The following PITPNM2 variants were observed in gnomAD, a reference collection of about 807,000 sequenced individuals.
PITPNM2 encodes the protein membrane-associated phosphatidylinositol transfer protein 2.
In PITPNM2, 35 loss-of-function variants were observed where a neutral mutation model predicts 132.2. The observed-to-expected ratio is 0.26, with a 90% CI of 0.20 to 0.35. The LOEUF (loss-of-function observed/expected upper bound fraction) is 0.35. Ranked by LOEUF, PITPNM2 falls within the 10% of genes least tolerant of loss-of-function variation. The pLI, the probability that PITPNM2 is intolerant of heterozygous loss-of-function variation, is 1.00. For synonymous variants in PITPNM2, 738 were observed against 799.2 expected (o/e 0.92, Z 1.29); for missense variants, 1,332 against 1,912.0 (o/e 0.70, Z 5.66).
intron 2 of PITPNM2, among the ~76,000 whole-genome samples, chr12:123,068,518 ACCAGC>A: frequency 6.6e-6 from 1 of 152,146 alleles, no homozygotes; most frequent in East Asian, 1.9e-4. Context: ...CCTTGGGCAC[ACCAGC>A]CCTAAGCAGA....
intron 3 of PITPNM2, among the ~76,000 whole-genome samples, chr12:123,020,579 G>A (rs941922251): frequency 1.3e-5 from 2 of 152,206 alleles, no homozygotes; most frequent in African/African-American, 4.8e-5. Flanking sequence ...TCTTTCCTGG[G>A]TTTAGATAGG....
rs2042823714 is a variant in PITPNM2 at position 123,111,009 on chromosome 12, A to G, written c.-199-521T>C. 6.6e-6 allele frequency among the ~76,000 whole-genome samples: 1 copy of G among 152,214 alleles called. No individual in the cohort carries two copies. The highest frequency in any genetic ancestry group is 6.5e-5 in the Admixed American group (1 of 15,278). ...TTCCAGCCTTCCAGCAAGCCCCTCC[A>G]GCTGGGCAGAGTGTGATCTGACTAC... On this transcript the variant is annotated intron_variant, in intron 1 of 25. Transcript: ENST00000320201. The surrounding 1 kb of genome is among the most constrained non-coding windows in gnomAD (Gnocchi z 4.1).
At chr12:123,029,902 TA>T (rs1206288012) in intron 3 of PITPNM2, among the ~76,000 whole-genome samples, 1 of 149,484 alleles carries the variant, frequency 6.7e-6, no homozygotes, top group Non-Finnish European at 1.5e-5. Flanking sequence ...CCATGTGCAC[TA>T]AAGAGGATAT....
chr12:123,144,349 G>A lies in PITPNM2; in HGVS notation c.-200+6404C>T, dbSNP rs530209119. On this transcript the variant is annotated intron_variant, in intron 1 of 25. Coordinates refer to ENST00000320201, the MANE Select transcript of PITPNM2 (RefSeq NM_020845.3). ...TGCAGAGAAAATCTCTTGTGTTAGA[G>A]AAGCTTCATTCAGACATGAGTCACA... 2.2e-4 allele frequency among the ~76,000 whole-genome samples: 34 copies of A among 152,354 alleles called. No homozygotes were observed. In the South Asian group the frequency reaches 2.5e-3, roughly 11 times the overall value.
chr12:123,144,860 C>T (rs552835187), intron 1 of PITPNM2, among the ~76,000 whole-genome samples: 10 of 152,320 alleles, frequency 6.6e-5, no homozygotes, highest in Admixed American at 5.2e-4. Flanking sequence ...CCACCATGCC[C>T]GATCTCTTTT....
At chr12:123,101,158 C>T (rs117689661) in intron 2 of PITPNM2, among the ~76,000 whole-genome samples, 4,524 of 152,334 alleles carry the variant, frequency 0.03, 103 homozygotes, top group Non-Finnish European at 0.046. Context: ...GTTTTCTTTC[C>T]TTTGGTCAAA....
chr12:122,988,254 G>A lies in PITPNM2; in HGVS notation c.2977C>T (p.Arg993Trp), dbSNP rs2038024401. ...CTCACCCGCAGCTTCACGTGGGTCCGCTTGCGCTGCCACTTCTCCCTTGGC... is the reference window on the plus strand; with the variant it reads ...CTCACCCGCAGCTTCACGTGGGTCCACTTGCGCTGCCACTTCTCCCTTGGC... ...SKPREKWQRK[R>W]THVKLRNVTA... is the part of the protein sequence containing the mutation. Residue 993 changes from arginine (R) to tryptophan (W), a missense_variant, in exon 20 of 26, where the codon CGG becomes TGG. Around this residue, in one of 6 missense-constraint regions of PITPNM2, gnomAD observed 251 missense variants for 472.0 expected, o/e 0.53. Transcript: ENST00000320201. 6.2e-7 allele frequency: 1 copy of A among 1,612,868 alleles called. No individual in the cohort carries two copies. The highest frequency in any genetic ancestry group is 8.5e-7 in the Non-Finnish European group (1 of 1,179,922).
intron 2 of PITPNM2, among the ~76,000 whole-genome samples, chr12:123,109,532 G>A (rs2042792690): frequency 6.6e-6 from 1 of 152,204 alleles, no homozygotes; most frequent in Non-Finnish European, 1.5e-5. Context: ...CAGAGGGATG[G>A]TGCATTAAAA....
chr12:122,992,790 G>A lies in PITPNM2; in HGVS notation c.2234-121C>T, dbSNP rs2038251660. 1.4e-6 allele frequency: 1 copy of A among 701,192 alleles called. No individual in the cohort carries two copies. The highest frequency in any genetic ancestry group is 2.3e-6 in the Non-Finnish European group (1 of 429,762). The allele number at this position is 701,192 out of a possible 1,614,324, so 43.4% of individuals were successfully genotyped here. On this transcript the variant is annotated intron_variant, in intron 15 of 25. Coordinates refer to ENST00000320201, the MANE Select transcript of PITPNM2 (RefSeq NM_020845.3). This position sits in a 1 kb window ranked among gnomAD's most constrained non-coding sequence, Gnocchi z 6.5. ...GAAAGTTAGGGATAAGATGGGGGGT[G>A]TGTCTCTATCAATTTGGGACCTGTT...
At chr12:123,147,100 C>T (rs1593038957) in intron 1 of PITPNM2, among the ~76,000 whole-genome samples, 1 of 152,208 alleles carries the variant, frequency 6.6e-6, no homozygotes, top group African/African-American at 2.4e-5. Flanking sequence ...TCCTACACAC[C>T]TTTACAGTTG....
At chr12:122,988,046 G>T in intron 20 of PITPNM2, 145 bp from the exon 21 acceptor site, 1 of 937,832 alleles carries the variant, frequency 1.1e-6, no homozygotes, top group Non-Finnish European at 1.7e-6. Flanking sequence ...ACACGATGAC[G>T]TGGCTTTGGA....
chr12:123,103,148 C>T (rs569598096), intron 2 of PITPNM2, among the ~76,000 whole-genome samples: 2 of 152,318 alleles, frequency 1.3e-5, no homozygotes, highest in East Asian at 1.9e-4. Context: ...GGTTTGTGTT[C>T]CCTGGGGCAT....
chr12:123,080,655 G>A (rs564839570), intron 2 of PITPNM2, among the ~76,000 whole-genome samples: 1 of 152,372 alleles, frequency 6.6e-6, no homozygotes, highest in Admixed American at 6.5e-5. Flanking sequence ...TAAGCAGTCA[G>A]CTGGGCAGGG....
intron 1 of PITPNM2, among the ~76,000 whole-genome samples, chr12:123,115,229 C>G (rs758408956): frequency 6.6e-6 from 1 of 152,180 alleles, no homozygotes; most frequent in African/African-American, 2.4e-5. Flanking sequence ...CCCTACTCCC[C>G]CTCCCTTCCA....
At chr12:123,146,750 G>T (rs2043626626) in intron 1 of PITPNM2, among the ~76,000 whole-genome samples, 1 of 152,020 alleles carries the variant, frequency 6.6e-6, no homozygotes. Flanking sequence ...GGCGTGAGGA[G>T]GTCAATGCTC....
rs191895482 is a variant in PITPNM2, at chr12:123,077,239, C to T, written c.-96+33146G>A. Among the ~76,000 whole-genome samples, 395 of 152,314 alleles carry T rather than the reference C, an allele frequency of 2.6e-3. No homozygotes were observed. Among genetic ancestry groups the T allele is most frequent in the Middle Eastern group, 0.014 (4 of 294 alleles). ...CAGCCAGCAGACGATCCTCCCTACA[C>T]CACCTTCTTGGAAATCTTGGTTATG... On this transcript the variant is annotated intron_variant, in intron 2 of 25. Transcript: ENST00000320201. The surrounding 1 kb of genome is among the most constrained non-coding windows in gnomAD (Gnocchi z 4.8).
chr12:123,028,962 G>T (rs1190614446), intron 3 of PITPNM2, among the ~76,000 whole-genome samples: 1 of 152,188 alleles, frequency 6.6e-6, no homozygotes. Flanking sequence ...AGTGCCTTGG[G>T]TCTCCAAGTC....
chr12:123,000,982 G>C lies in PITPNM2; in HGVS notation c.1153+72C>G. On this transcript the variant is annotated intron_variant, in intron 9 of 25. Coordinates refer to ENST00000320201, the MANE Select transcript of PITPNM2 (RefSeq NM_020845.3). This position sits in a 1 kb window ranked among gnomAD's most constrained non-coding sequence, Gnocchi z 5.4. The stretch of plus-strand genomic sequence containing the variant: ...GTATGCCCAGCACTGTGCAGAAGCT[G>C]GTCAGAAAGGAGGGGGCTGAAGCCC... 1 of 1,538,902 alleles carries C rather than the reference G, an allele frequency of 6.5e-7. No homozygotes were observed. The highest frequency in any genetic ancestry group is 9.0e-7 in the Non-Finnish European group (1 of 1,112,280).
chr12:123,076,904 G>T (rs567638366), intron 2 of PITPNM2, among the ~76,000 whole-genome samples: 2 of 152,210 alleles, frequency 1.3e-5, no homozygotes, highest in South Asian at 4.2e-4. Context: ...GACAACCAGG[G>T]GTTCTTTTTT....
Sources: allele counts gnomAD v4.1 joint callset (sites outside exome capture counted in the v4.1 genomes callset), GRCh38; gene constraint gnomAD v4.1.1; regional missense constraint gnomAD v4.1.1; non-coding constraint Gnocchi (gnomAD v3.1); transcripts MANE v1.5; gene names NCBI Gene and HGNC (gene_info 2026-07-23, HGNC 2026-07-21).